The following ZNF689 variants were observed in gnomAD, a reference collection of about 807,000 sequenced individuals.
ZNF689 encodes the protein short ORF-encoded histone-binding protein.
A neutral mutation model predicts 37.2 loss-of-function variants in ZNF689; 14 were observed. The observed-to-expected ratio is 0.38, with a 90% CI of 0.25 to 0.59. ZNF689 has a LOEUF of 0.59. Ranked by LOEUF, ZNF689 falls within the 20% of genes least tolerant of loss-of-function variation. ZNF689 has a pLI of 0.68. For missense variants in ZNF689, 573 were observed against 700.2 expected (o/e 0.82, Z 2.05); for synonymous variants, 277 against 283.3 (o/e 0.98, Z 0.22).
intron 2 of ZNF689, among the ~76,000 whole-genome samples, chr16:30,607,839 G>T (rs951201409): frequency 7.2e-5 from 11 of 152,198 alleles, no homozygotes; most frequent in Non-Finnish European, 1.3e-4. Context: ...GTGGGCACCT[G>T]TAGTCCCACC....
chr16:30,607,772 C>A (rs552345678), intron 2 of ZNF689, among the ~76,000 whole-genome samples: 2 of 152,274 alleles, frequency 1.3e-5, no homozygotes, highest in African/African-American at 4.8e-5. Context: ...GAGTTCGAGA[C>A]CAGCTTGACC....
At chr16:30,609,719 C>T in intron 1 of ZNF689, 81 bp from the exon 2 acceptor site, 1 of 1,595,406 alleles carries the variant, frequency 6.3e-7, no homozygotes, top group Non-Finnish European at 8.5e-7. Context: ...CCTGCTAAGC[C>T]CCTGCCCACC....
In ZNF689 at chr16:30,603,912, A is replaced by G. The variant is rs144315935; in HGVS notation, c.*352T>C. 9.2e-4 allele frequency: 371 copies of G among 403,200 alleles called. 6 individuals carry two copies. The East Asian group carries it at 0.02, about 22-fold the overall frequency. 25.0% of individuals were successfully genotyped at this position (403,200 alleles called of 1,614,324 possible). A position where few individuals can be genotyped will look rare whatever the true frequency, so the allele number is the denominator to read the frequency against. ...CAGAGTAGGGGAAGGTCCTGCCCCT[A>G]TGAGATTCTCCTGATTGCATGCAAG... On this transcript the variant is annotated 3_prime_UTR_variant, in exon 3 of 3. Transcript: ENST00000287461.
chr16:30,606,503 T>A (rs1451357498), intron 2 of ZNF689, among the ~76,000 whole-genome samples: 1 of 152,016 alleles, frequency 6.6e-6, no homozygotes, highest in East Asian at 1.9e-4. Context: ...ACCTTTCTTT[T>A]TTTTTTTCTT....
intron 2 of ZNF689, 21 bp downstream of exon 2, chr16:30,609,504 G>A: frequency 1.2e-6 from 2 of 1,606,900 alleles, no homozygotes; most frequent in African/African-American, 1.3e-5. Flanking sequence ...TGCAGGCTCT[G>A]CGTGGTTATT....
Position 30,604,668 on chromosome 16 carries a change from G to A in ZNF689, c.1099C>T (p.His367Tyr), listed in dbSNP as rs765330128. The change falls in exon 3 of 3, where the codon CAC becomes TAC. Residue 367 changes from histidine (H) to tyrosine (Y), a missense_variant. By Grantham distance (83) the His-to-Tyr change is moderately conservative (BLOSUM62 2). This residue lies in a region of ZNF689 where 317 missense variants were observed against 367.1 expected (regional missense o/e 0.86). Transcript: ENST00000287461. This position sits in a 1 kb window ranked among gnomAD's most constrained non-coding sequence, Gnocchi z 5.2. ...RSTLLQHQLL[H>Y]TGEKPYPCPD... ...CAGGGGTAGGGCTTCTCTCCGGTGTGCAAGAGCTGGTGCTGGAGCAGCGTG... is the reference window on the plus strand; with the variant it reads ...CAGGGGTAGGGCTTCTCTCCGGTGTACAAGAGCTGGTGCTGGAGCAGCGTG... 1 of 1,611,204 alleles carries A rather than the reference G, an allele frequency of 6.2e-7. No homozygotes were observed. Among genetic ancestry groups the A allele is most frequent in the Non-Finnish European group, 8.5e-7 (1 of 1,179,630 alleles).
At chr16:30,607,346 A>T (rs1391998751) in intron 2 of ZNF689, among the ~76,000 whole-genome samples, 1 of 149,546 alleles carries the variant, frequency 6.7e-6, no homozygotes, top group Non-Finnish European at 1.5e-5. Flanking sequence ...TAATCCCAGC[A>T]CTTTGGGAGG....
rs1029485538 is a variant in ZNF689, at chr16:30,605,694, A to T, written c.320-247T>A. Reference sequence around the variant, plus strand: ...TAAAAATTGAGGCCGGGCACAGTGGATCACGCTTGTAATCGTAAGCACTGG... The same window carrying T: ...TAAAAATTGAGGCCGGGCACAGTGGTTCACGCTTGTAATCGTAAGCACTGG... On this transcript the variant is annotated intron_variant, in intron 2 of 2. Coordinates refer to ENST00000287461, the MANE Select transcript of ZNF689 (RefSeq NM_138447.3). The surrounding 1 kb of genome is among the most constrained non-coding windows in gnomAD (Gnocchi z 5.1). Among the ~76,000 whole-genome samples, 2 of 152,186 alleles carry T rather than the reference A, an allele frequency of 1.3e-5. No individual in the cohort carries two copies. Among genetic ancestry groups the T allele is most frequent in the African/African-American group, 4.8e-5 (2 of 41,458 alleles).
chr16:30,604,654 C>G lies in ZNF689; in HGVS notation c.1113G>C (p.Lys371Asn), dbSNP rs1396674727. ...GCCCACAGTCTGGGCAGGGGTAGGGCTTCTCTCCGGTGTGCAAGAGCTGGT... is the reference window on the plus strand; with the variant it reads ...GCCCACAGTCTGGGCAGGGGTAGGGGTTCTCTCCGGTGTGCAAGAGCTGGT... ...LQHQLLHTGE[K>N]PYPCPDCGRA... The change falls in exon 3 of 3, where the codon AAG (lysine) becomes AAC (asparagine). Residue 371 changes from lysine (K) to asparagine (N), a missense_variant. Lys to Asn is a moderately conservative substitution (Grantham distance 94, BLOSUM62 0). Coordinates refer to ENST00000287461, the MANE Select transcript of ZNF689 (RefSeq NM_138447.3). The surrounding 1 kb of genome is among the most constrained non-coding windows in gnomAD (Gnocchi z 5.2). 1 of 1,611,494 alleles carries G rather than the reference C, an allele frequency of 6.2e-7. No homozygotes were observed. Among genetic ancestry groups the G allele is most frequent in the Admixed American group, 1.7e-5 (1 of 59,758 alleles).
At position 30,604,201 on chromosome 16, in the gene ZNF689, C is replaced by G. The variant is rs892834863; in HGVS notation, c.*63G>C. 6.4e-7 allele frequency: 1 copy of G among 1,570,146 alleles called. No individual in the cohort carries two copies. On this transcript the variant is annotated 3_prime_UTR_variant, in exon 3 of 3. Coordinates refer to ENST00000287461, the MANE Select transcript of ZNF689 (RefSeq NM_138447.3). This position sits in a 1 kb window ranked among gnomAD's most constrained non-coding sequence, Gnocchi z 5.2. ...TGACTCTGCCCTGTATGACCTGGGG[C>G]TCCTCCTTCCCTTTTCTGGGACCCT...
chr16:30,608,879 G>A (rs2052060896), intron 2 of ZNF689, among the ~76,000 whole-genome samples: 1 of 152,184 alleles, frequency 6.6e-6, no homozygotes, highest in Non-Finnish European at 1.5e-5. Context: ...TTCTACTATG[G>A]GTGGATCTGG....
rs574876295 is a variant in ZNF689 at position 30,604,877 on chromosome 16, C to T, written c.890G>A (p.Arg297His). ...KPYTCLECNR[R>H]FRQRTALVIH... ...GACGAGGGCCGTGCGCTGGCGGAAGCGGCGGTTGCACTCGAGGCAAGTGTA... is the reference window on the plus strand; with the variant it reads ...GACGAGGGCCGTGCGCTGGCGGAAGTGGCGGTTGCACTCGAGGCAAGTGTA... Residue 297 changes from arginine (R) to histidine (H), a missense_variant, in exon 3 of 3, where the codon CGC (arginine) becomes CAC (histidine). Coordinates refer to ENST00000287461, the MANE Select transcript of ZNF689 (RefSeq NM_138447.3). This position sits in a 1 kb window ranked among gnomAD's most constrained non-coding sequence, Gnocchi z 5.2. 2.5e-6 allele frequency: 4 copies of T among 1,579,850 alleles called. No homozygotes were observed. Among genetic ancestry groups the T allele is most frequent in the Middle Eastern group, 1.7e-4 (1 of 5,898 alleles).
intron 2 of ZNF689, among the ~76,000 whole-genome samples, chr16:30,607,552 C>T (rs1456203654): frequency 6.6e-6 from 1 of 151,632 alleles, no homozygotes; most frequent in Non-Finnish European, 1.5e-5. Flanking sequence ...GATTGCACTA[C>T]TACACTCCAG....
chr16:30,609,993 T>C lies in ZNF689; in HGVS notation c.49A>G (p.Arg17Gly). The change falls in exon 1 of 3, where the codon AGA becomes GGA. Residue 17 changes from arginine to glycine, a missense_variant. Coordinates refer to ENST00000287461, the MANE Select transcript of ZNF689 (RefSeq NM_138447.3). ...CTCCTGCCCCTTTTCCGACTGGGTC[T>C]GGCCTTTCCTGGTCCCTGCGCAGGG... Reference protein sequence around the residue: ...PLPAQGPGKARPSRKRGRRPR... With the variant: ...PLPAQGPGKAGPSRKRGRRPR... 2 of 1,609,134 alleles carry C rather than the reference T, an allele frequency of 1.2e-6. No homozygotes were observed. The highest frequency in any genetic ancestry group is 1.7e-6 in the Non-Finnish European group (2 of 1,178,486).
chr16:30,610,091 T>G lies in ZNF689; in HGVS notation c.-50A>C, dbSNP rs774146506. The G allele has an allele frequency of 3.2e-5, 49 of 1,530,896 alleles. No homozygotes were observed. The highest frequency in any genetic ancestry group is 3.9e-5 in the Non-Finnish European group (44 of 1,138,944). The allele number at this position is 1,530,896 out of a possible 1,614,324, so 94.8% of individuals were successfully genotyped here. ...GCCTTCCGTGTCCAGGCCTCGGCCC[T>G]CGGGCGCTGGCGGCCCCTGGGATCG... is the stretch of plus-strand genomic sequence containing the variant. On this transcript the variant is annotated 5_prime_UTR_variant, in exon 1 of 3. Coordinates refer to ENST00000287461, the MANE Select transcript of ZNF689 (RefSeq NM_138447.3).
At chr16:30,610,423 CT>C (rs1180114522), upstream of ZNF689, 1 of 211,752 alleles carries the variant, frequency 4.7e-6, no homozygotes, top group Non-Finnish European at 9.5e-6. Context: ...CTTTTTTCCC[CT>C]CCCCAATACG....
rs1436863304 is a variant in ZNF689, at chr16:30,605,406, G to T, written c.361C>A (p.Pro121Thr). ...CCCTTTCGGGGTGCCTCCTTAGGCG[G>T]GAATACTTCCTTCTCCCCATTCTTC... ...RKKNGEKEVF[P>T]PKEAPRKGKR... is the part of the protein sequence containing the mutation. The change falls in exon 3 of 3, where the codon CCG (proline) becomes ACG (threonine). Residue 121 changes from proline (P) to threonine (T), a missense_variant. By Grantham distance (38) the Pro-to-Thr change is conservative. This residue lies in a region of ZNF689 where 252 missense variants were observed against 313.3 expected (regional missense o/e 0.80). Transcript: ENST00000287461. This position sits in a 1 kb window ranked among gnomAD's most constrained non-coding sequence, Gnocchi z 5.1. 1 of 1,613,670 alleles carries T rather than the reference G, an allele frequency of 6.2e-7. No homozygotes were observed. The highest frequency in any genetic ancestry group is 2.2e-5 in the East Asian group (1 of 44,884).
rs768771064 is a variant in ZNF689, at chr16:30,604,743, C to G, written c.1024G>C (p.Glu342Gln). Residue 342 changes from glutamate to glutamine, a missense_variant, in exon 3 of 3, where the codon GAG becomes CAG. Around this residue, in one of 3 missense-constraint regions of ZNF689, gnomAD observed 317 missense variants for 367.1 expected, o/e 0.86. Coordinates refer to ENST00000287461, the MANE Select transcript of ZNF689 (RefSeq NM_138447.3). This position sits in a 1 kb window ranked among gnomAD's most constrained non-coding sequence, Gnocchi z 5.2. Reference protein sequence around the residue: ...LVSHRRVHSGERPYACEHCEA... With the variant: ...LVSHRRVHSGQRPYACEHCEA... ...CAGTGCTCGCAGGCATAGGGACGCTCCCCAGAGTGCACACGCCGGTGACTG... is the reference window on the plus strand; with the variant it reads ...CAGTGCTCGCAGGCATAGGGACGCTGCCCAGAGTGCACACGCCGGTGACTG... 3 of 1,606,430 alleles carry G rather than the reference C, an allele frequency of 1.9e-6. No individual in the cohort carries two copies. Among genetic ancestry groups the G allele is most frequent in the Non-Finnish European group, 2.5e-6 (3 of 1,177,394 alleles).
Position 30,604,151 on chromosome 16 carries a change from G to A in ZNF689, c.*113C>T, listed in dbSNP as rs2052009194. The A allele has an allele frequency of 8.7e-7, 1 of 1,147,006 alleles. No homozygotes were observed. Among genetic ancestry groups the A allele is most frequent in the Non-Finnish European group, 1.3e-6 (1 of 776,724 alleles). 71.1% of individuals were successfully genotyped at this position (1,147,006 alleles called of 1,614,324 possible). ...TGCAAGATACAAAGTTCAGCTCTGTGCAGCAGGAGACCCGGGTTTAGTTCT... is the reference window on the plus strand; with the variant it reads ...TGCAAGATACAAAGTTCAGCTCTGTACAGCAGGAGACCCGGGTTTAGTTCT... On this transcript the variant is annotated 3_prime_UTR_variant, in exon 3 of 3. Transcript: ENST00000287461. This position sits in a 1 kb window ranked among gnomAD's most constrained non-coding sequence, Gnocchi z 5.2.
Sources: allele counts gnomAD v4.1 joint callset (sites outside exome capture counted in the v4.1 genomes callset), GRCh38; gene constraint gnomAD v4.1.1; regional missense constraint gnomAD v4.1.1; non-coding constraint Gnocchi (gnomAD v3.1); transcripts MANE v1.5; gene names NCBI Gene and HGNC (gene_info 2026-07-23, HGNC 2026-07-21).